Variants in SCAF4 observed in about 807,000 individuals in gnomAD.
SCAF4 encodes SR-related CTD associated factor 4.
Under a neutral mutation model 129.8 loss-of-function variants are expected in SCAF4, and 25 were observed. The ratio of observed to expected loss-of-function variants is 0.19; its 90% CI spans 0.14 to 0.27. The LOEUF (loss-of-function observed/expected upper bound fraction) is 0.27, where lower values mean the gene tolerates loss of function less well. Ranked by LOEUF, SCAF4 falls within the 10% of genes least tolerant of loss-of-function variation. The pLI, the probability that SCAF4 is intolerant of heterozygous loss-of-function variation, is 1.00. For missense variants in SCAF4, 1,246 were observed against 1,457.1 expected, an observed-to-expected ratio of 0.86 and a Z score of 2.36; for synonymous variants, 551 against 497.7, an observed-to-expected ratio of 1.11 and a Z score of -1.43.
In SCAF4 at chr21:31,685,477, C is replaced by T. The variant is rs775771295; in HGVS notation, c.2217G>A (p.Leu739=). The change falls in exon 18 of 20, where the codon CTG becomes CTA. Residue 739 remains leucine (L), a synonymous_variant. Coordinates refer to ENST00000286835, the MANE Select transcript of SCAF4 (RefSeq NM_020706.2). ...FNPMHLPPGF[L]PPGPPPPITP... ...TTATAGGAGGTGGGGGTCCAGGAGG[C>T]AGAAAACCTAGAATAAGAAAAATAA... 20 of 1,613,190 alleles carry T rather than the reference C, an allele frequency of 1.2e-5. No individual in the cohort carries two copies. The Middle Eastern group carries it at 8.3e-4, about 67-fold the overall frequency.
At chr21:31,721,725 C>CA (rs2051071398) in intron 1 of SCAF4, among the ~76,000 whole-genome samples, 1 of 125,450 alleles carries the variant, frequency 8.0e-6, no homozygotes, top group South Asian at 2.6e-4. Context: ...AAGAGCAATT[C>CA]TTTTTTTTTT....
rs749084948 is a variant in SCAF4, at chr21:31,696,664, T to C, written c.864A>G (p.Thr288=). ...KKEDTTAVTT[T]APAAAVPPAP... is the part of the protein sequence containing the mutation. The stretch of plus-strand genomic sequence containing the variant: ...CAGGGGGTACTGCGGCAGCAGGTGC[T>C]GTCGTGGTGACGGCAGTGGTATCCT... The change falls in exon 8 of 20, where the codon ACA becomes ACG. Residue 288 remains threonine, a synonymous_variant. Transcript: ENST00000286835. 1 of 1,614,048 alleles carries C rather than the reference T, an allele frequency of 6.2e-7. No homozygotes were observed.
At chr21:31,706,483 T>C in intron 1 of SCAF4, 126 bp from the exon 2 acceptor site, 4 of 648,128 alleles carry the variant, frequency 6.2e-6, no homozygotes, top group South Asian at 1.9e-5. Flanking sequence ...AGGGGGGTCT[T>C]AGCAGCTAGG....
rs2123446318 is a variant in SCAF4, at chr21:31,671,376, C to CA, written c.*22dup. On this transcript the variant is annotated 3_prime_UTR_variant, in exon 20 of 20. Coordinates refer to ENST00000286835, the MANE Select transcript of SCAF4 (RefSeq NM_020706.2). ...TCTACACTCCAGGAAGTGTCACTGT[C>CA]ACATTTTCACAAATTCCAGTCTCTA... 1 of 1,605,288 alleles carries CA rather than the reference C, an allele frequency of 6.2e-7. No individual in the cohort carries two copies. The highest frequency in any genetic ancestry group is 8.5e-7 in the Non-Finnish European group (1 of 1,175,548).
At chr21:31,713,953 C>T (rs962464184) in intron 1 of SCAF4, among the ~76,000 whole-genome samples, 1 of 151,998 alleles carries the variant, frequency 6.6e-6, no homozygotes, top group African/African-American at 2.4e-5. Context: ...GTCTAAAAGC[C>T]ACAAAATTTA....
At chr21:31,685,788 C>T (rs2050107630) in intron 16 of SCAF4, 55 bp from the exon 17 acceptor site, 5 of 1,474,126 alleles carry the variant, frequency 3.4e-6, no homozygotes, top group South Asian at 1.4e-5. Flanking sequence ...CCCATCCACA[C>T]AGTAAGCACA....
rs772675052 is a variant in SCAF4 at position 31,700,934 on chromosome 21, A to G, written c.777+61T>C. 2.0e-6 allele frequency: 3 copies of G among 1,535,272 alleles called. No homozygotes were observed. In the African/African-American group the frequency reaches 4.1e-5, roughly 21 times the overall value. On this transcript the variant is annotated intron_variant, in intron 7 of 19. Transcript: ENST00000286835. Reference sequence around the variant, plus strand: ...CCACAGAAGGGATACAGAAGTGATAATTTCCATAACTCAAGTTGAGTGATA... The same window carrying G: ...CCACAGAAGGGATACAGAAGTGATAGTTTCCATAACTCAAGTTGAGTGATA...
rs771260008 is a variant in SCAF4, at chr21:31,696,143, C to T, written c.1038G>A (p.Met346Ile). 1.2e-6 allele frequency: 2 copies of T among 1,613,550 alleles called. No individual in the cohort carries two copies. The highest frequency in any genetic ancestry group is 3.3e-5 in the Admixed American group (2 of 60,006). ...QNMDQFQPRM[M>I]GIQQDPMHHQ... ...GGTGCATTGGATCCTGTTGTATTCC[C>T]ATCATTCGTGGCTGAAACTGATCCA... Residue 346 changes from methionine to isoleucine, a missense_variant, in exon 9 of 20, where the codon ATG becomes ATA. This residue lies in a region of SCAF4 where 236 missense variants were observed against 210.0 expected (regional missense o/e 1.12). Transcript: ENST00000286835.
intron 1 of SCAF4, among the ~76,000 whole-genome samples, chr21:31,716,151 T>C (rs1232828708): frequency 6.6e-6 from 1 of 151,970 alleles, no homozygotes; most frequent in African/African-American, 2.4e-5. Flanking sequence ...TCAAGCAATA[T>C]TTCTTTCTGA....
rs1285341096 is a variant in SCAF4, at chr21:31,694,855, A to C, written c.1194T>G (p.Phe398Leu). The change falls in exon 10 of 20, where the codon TTT becomes TTG. Residue 398 changes from phenylalanine (F) to leucine (L), a missense_variant. Physicochemically the swap from Phe to Leu is conservative, Grantham distance 22. Transcript: ENST00000286835. ...PPVQQPFQASFQAQNEPLTQK... is the reference protein window; with the variant it reads ...PPVQQPFQASLQAQNEPLTQK... ...GTGTAAGTGGTTCATTTTGTGCCTG[A>C]AAAGAAGCTTGGAAAGGCTGCTGCA... 6.2e-7 allele frequency: 1 copy of C among 1,614,052 alleles called. No homozygotes were observed. The highest frequency in any genetic ancestry group is 1.3e-5 in the African/African-American group (1 of 74,928).
intron 1 of SCAF4, among the ~76,000 whole-genome samples, chr21:31,723,629 T>TGCGCGC (rs60041981): frequency 6.7e-5 from 10 of 149,072 alleles, no homozygotes; most frequent in East Asian, 2.0e-4. Context: ...TGTGTGTGTG[T>TGCGCGC]GCGCGCGCGC....
intron 19 of SCAF4, among the ~76,000 whole-genome samples, chr21:31,680,870 T>C (rs372511134): frequency 1.3e-5 from 2 of 152,232 alleles, no homozygotes; most frequent in East Asian, 3.9e-4. Flanking sequence ...CTATTGATAT[T>C]GCTGGCAAAG....
At chr21:31,678,852 C>T (rs1334855190) in intron 19 of SCAF4, among the ~76,000 whole-genome samples, 2 of 152,216 alleles carry the variant, frequency 1.3e-5, no homozygotes, top group African/African-American at 4.8e-5. Context: ...GTTTTACTCT[C>T]CATGTTAAAT....
chr21:31,689,145 G>T (rs899418125), intron 15 of SCAF4, among the ~76,000 whole-genome samples: 6 of 152,030 alleles, frequency 3.9e-5, no homozygotes, highest in Admixed American at 1.3e-4. Context: ...CACATAGTAG[G>T]CCCTCAATAC....
chr21:31,729,905 C>T (rs1271914558), intron 1 of SCAF4, among the ~76,000 whole-genome samples: 2 of 152,184 alleles, frequency 1.3e-5, no homozygotes, highest in East Asian at 3.8e-4. Context: ...AAATACTTTG[C>T]TTAACAATGT....
Position 31,693,429 on chromosome 21 carries a change from G to T in SCAF4, c.1378C>A (p.Arg460=). The change falls in exon 12 of 20, where the codon CGA becomes AGA. Residue 460 remains arginine (R), a synonymous_variant. Transcript: ENST00000286835. ...SGSRSRRSRH[R]RSRSRSRDRR... ...TCCCTGGACCGAGATCGAGAACGTCGATGCCGAGACCTTCGAGATCTAGAA... is the reference window on the plus strand; with the variant it reads ...TCCCTGGACCGAGATCGAGAACGTCTATGCCGAGACCTTCGAGATCTAGAA... The T allele has an allele frequency of 6.4e-7, 1 of 1,560,206 alleles. No individual in the cohort carries two copies. The highest frequency in any genetic ancestry group is 2.3e-5 in the East Asian group (1 of 43,434).
chr21:31,700,754 TTTTCAC>T, intron 7 of SCAF4: 1 of 409,146 alleles, frequency 2.4e-6, no homozygotes, highest in Non-Finnish European at 4.4e-6. Context: ...TTTTTTTTTT[TTTTCAC>T]TTTTTTAATT....
chr21:31,698,596 A>G (rs993058462), intron 7 of SCAF4, among the ~76,000 whole-genome samples: 3 of 152,128 alleles, frequency 2.0e-5, no homozygotes, highest in African/African-American at 7.2e-5. Context: ...TTTTTAGATG[A>G]GAAGGTGTTT....
At chr21:31,727,635 T>C (rs1286296104) in intron 1 of SCAF4, among the ~76,000 whole-genome samples, 1 of 151,928 alleles carries the variant, frequency 6.6e-6, no homozygotes, top group East Asian at 1.9e-4. Context: ...CTACTAAAAA[T>C]ACAAAAATTA....
Sources: allele counts gnomAD v4.1 joint callset (sites outside exome capture counted in the v4.1 genomes callset), GRCh38; gene constraint gnomAD v4.1.1; regional missense constraint gnomAD v4.1.1; transcripts MANE v1.5; gene names NCBI Gene and HGNC (gene_info 2026-07-23, HGNC 2026-07-21).